The following CABP1 variants were observed in gnomAD, a reference collection of about 807,000 sequenced individuals.
CABP1 encodes the protein calcium binding protein 1, also known as calcium-binding protein 1.
CABP1 carries 17 observed loss-of-function variants against 34.3 expected under a neutral mutation model. The ratio of observed to expected loss-of-function variants is 0.50; its 90% confidence interval spans 0.34 to 0.74. The LOEUF is 0.74. Among genes scored for constraint, CABP1 ranks in the 30% least tolerant of loss-of-function variants. The pLI is 0.01. For missense variants in CABP1, 373 were observed against 511.1 expected (o/e 0.73, Z 2.61); for synonymous variants, 198 against 229.2 (o/e 0.86, Z 1.23).
At chr12:120,673,687 T>A in the CABP1 span, among the ~76,000 whole-genome samples, 1 of 152,168 alleles carries the variant, frequency 6.6e-6, no homozygotes, top group African/African-American at 2.4e-5. Flanking sequence ...CCGCGTCATC[T>A]TGGGTAGGTT....
chr12:120,659,855 TA>T, intron 1 of CABP1, 22 bp from the exon 2 acceptor site: 1 of 1,611,756 alleles, frequency 6.2e-7, no homozygotes, highest in Non-Finnish European at 8.5e-7. Context: ...TCGCGGCTAA[TA>T]GGACATGTTC....
At chr12:120,670,712 C>T (rs1465978429), downstream of CABP1, among the ~76,000 whole-genome samples, 1 of 152,164 alleles carries the variant, frequency 6.6e-6, no homozygotes, top group East Asian at 1.9e-4. Context: ...TGCACCGCTG[C>T]ACTCAGCCTG....
At chr12:120,650,020 T>G (rs1879741227) in intron 1 of CABP1, 1 of 138,796 alleles carries the variant, frequency 7.2e-6, no homozygotes, top group Admixed American at 7.3e-5. Flanking sequence ...CGCGCGTGTG[T>G]GTGTGCATGC....
intron 5 of CABP1, among the ~76,000 whole-genome samples, chr12:120,666,080 C>T (rs997759620): frequency 3.3e-5 from 5 of 150,950 alleles, no homozygotes; most frequent in Non-Finnish European, 7.4e-5. Flanking sequence ...CACCTGTAAT[C>T]CCAGCACTTT....
chr12:120,661,047 C>T lies in CABP1; in HGVS notation c.940-24C>T. 6.2e-7 allele frequency: 1 copy of T among 1,607,620 alleles called. No homozygotes were observed. On this transcript the variant is annotated intron_variant, in intron 4 of 5. Transcript: ENST00000316803. The surrounding 1 kb of genome is among the most constrained non-coding windows in gnomAD (Gnocchi z 5.1). ...GCCAATCGCCATGCTGGGGCGACCT[C>T]TCCTTCCTTCCTGCCTTCTCTAGTT...
Position 120,661,669 on chromosome 12 carries a change from A to G in CABP1, c.1087+451A>G, listed in dbSNP as rs992959709. The G allele has an allele frequency of 6.3e-6, 1 of 158,750 alleles. No homozygotes were observed. The highest frequency in any genetic ancestry group is 2.5e-5 in the African/African-American group (1 of 40,360). 9.8% of individuals were successfully genotyped at this position (158,750 alleles called of 1,614,324 possible). On this transcript the variant is annotated intron_variant, in intron 5 of 5. Transcript: ENST00000316803. The surrounding 1 kb of genome is among the most constrained non-coding windows in gnomAD (Gnocchi z 5.1). Reference sequence around the variant, plus strand: ...TCCATCCGTCCATCCATTCGTCTACATATCTATCCATCCATCCATCCATCC... The same window carrying G: ...TCCATCCGTCCATCCATTCGTCTACGTATCTATCCATCCATCCATCCATCC...
chr12:120,645,045 T>C (rs1262662859), intron 1 of CABP1, among the ~76,000 whole-genome samples: 1 of 152,182 alleles, frequency 6.6e-6, no homozygotes, highest in Non-Finnish European at 1.5e-5. Flanking sequence ...CCTCAAGTGA[T>C]CCATCCGCCT....
chr12:120,643,969 G>T (rs1879445279), intron 1 of CABP1, among the ~76,000 whole-genome samples: 1 of 152,220 alleles, frequency 6.6e-6, no homozygotes, highest in Non-Finnish European at 1.5e-5. Flanking sequence ...GCACAAAGAT[G>T]AATTCCTACC....
At chr12:120,680,067 G>A in the CABP1 span, among the ~76,000 whole-genome samples, 2 of 152,128 alleles carry the variant, frequency 1.3e-5, no homozygotes, top group Non-Finnish European at 2.9e-5. Context: ...AGCTACTCAA[G>A]GAGGCTGGGG....
chr12:120,668,349 G>A (rs1881120550), downstream of CABP1, among the ~76,000 whole-genome samples: 2 of 152,182 alleles, frequency 1.3e-5, no homozygotes, highest in South Asian at 4.1e-4. Context: ...AAATTAGCCG[G>A]GCGTGGTGGC....
Position 120,654,852 on chromosome 12 carries a change from G to A in CABP1, c.655-5026G>A, listed in dbSNP as rs139090366. ...ATAGCCGCATGGGAACCTTCAGGGC[G>A]GAGGATCGGCTGGTCAGGGCCTGGG... On this transcript the variant is annotated intron_variant, in intron 1 of 5. Coordinates refer to ENST00000316803, the MANE Select transcript of CABP1 (RefSeq NM_001033677.2). Among the ~76,000 whole-genome samples the A allele has an allele frequency of 8.3e-3, 1,264 of 152,334 alleles. 19 individuals carry two copies. Among genetic ancestry groups the A allele is most frequent in the African/African-American group, 0.029 (1,216 of 41,576 alleles).
At chr12:120,647,783 C>T (rs1321840592) in intron 1 of CABP1, among the ~76,000 whole-genome samples, 2 of 144,818 alleles carry the variant, frequency 1.4e-5, no homozygotes, top group African/African-American at 5.1e-5. Context: ...CGTTTCACCA[C>T]GTTGGCCAGG....
chr12:120,672,572 C>G, the CABP1 span, among the ~76,000 whole-genome samples: 1 of 136,496 alleles, frequency 7.3e-6, no homozygotes, highest in East Asian at 2.1e-4. Context: ...GCGGAGGCTG[C>G]AGTGAGTCAA....
At chr12:120,677,259 C>T in the CABP1 span, among the ~76,000 whole-genome samples, 8 of 150,722 alleles carry the variant, frequency 5.3e-5, no homozygotes, top group South Asian at 4.2e-4. Context: ...GGCTAATTTT[C>T]GTATTTTTGG....
At chr12:120,674,757 G>T in the CABP1 span, among the ~76,000 whole-genome samples, 1 of 152,022 alleles carries the variant, frequency 6.6e-6, no homozygotes, top group Non-Finnish European at 1.5e-5. Flanking sequence ...TGGGCATGGT[G>T]GTGCGCACCT....
chr12:120,671,233 C>T (rs1224935643), downstream of CABP1, among the ~76,000 whole-genome samples: 9 of 151,932 alleles, frequency 5.9e-5, no homozygotes, highest in African/African-American at 1.9e-4. Flanking sequence ...GGTGAAACAC[C>T]GTCTCTACTA....
intron 5 of CABP1, among the ~76,000 whole-genome samples, chr12:120,664,220 C>A (rs1354870470): frequency 1.3e-5 from 2 of 152,146 alleles, no homozygotes; most frequent in African/African-American, 4.8e-5. Flanking sequence ...GAGCTCAAAA[C>A]CAGCAAGAAA....
At chr12:120,671,528 C>T (rs749956538), downstream of CABP1, among the ~76,000 whole-genome samples, 1 of 152,152 alleles carries the variant, frequency 6.6e-6, no homozygotes, top group African/African-American at 2.4e-5. Context: ...AGAGAGGTGA[C>T]GCTCAACAGG....
chr12:120,675,625 C>G, the CABP1 span, among the ~76,000 whole-genome samples: 1 of 152,250 alleles, frequency 6.6e-6, no homozygotes, highest in Non-Finnish European at 1.5e-5. Flanking sequence ...CACATGAAAT[C>G]TCTGGCCTGA....
Sources: allele counts gnomAD v4.1 joint callset (sites outside exome capture counted in the v4.1 genomes callset), GRCh38; gene constraint gnomAD v4.1.1; non-coding constraint Gnocchi (gnomAD v3.1); transcripts MANE v1.5; gene names NCBI Gene and HGNC (gene_info 2026-07-23, HGNC 2026-07-21).